The following SLC35F1 variants were observed in gnomAD, a reference collection of about 807,000 sequenced individuals.
SLC35F1 encodes the protein solute carrier family 35 member F1, also known as chromosome 6 open reading frame 169.
A neutral mutation model predicts 48.7 loss-of-function variants in SLC35F1; 14 were observed. The ratio of observed to expected loss-of-function variants is 0.29; its 90% CI spans 0.19 to 0.45. The LOEUF is 0.45. SLC35F1 is among the 20% of genes least tolerant of loss of function. The pLI is 1.00. For missense variants in SLC35F1, 404 were observed against 500.0 expected, an observed-to-expected ratio of 0.81 and a Z score of 1.83; for synonymous variants, 190 against 202.2, an observed-to-expected ratio of 0.94 and a Z score of 0.51.
At chr6:117,950,030 G>T (rs1338604769) in intron 1 of SLC35F1, among the ~76,000 whole-genome samples, 1 of 152,112 alleles carries the variant, frequency 6.6e-6, no homozygotes, top group African/African-American at 2.4e-5. Flanking sequence ...CTGTGTTGCA[G>T]TCTCCGTTCA....
intron 1 of SLC35F1, among the ~76,000 whole-genome samples, chr6:118,027,440 C>T (rs1771975213): frequency 6.6e-6 from 1 of 152,162 alleles, no homozygotes; most frequent in South Asian, 2.1e-4. Flanking sequence ...ACCACATTCT[C>T]ACCAATACTA....
intron 3 of SLC35F1, among the ~76,000 whole-genome samples, chr6:118,248,713 TA>T (rs1190574427): frequency 6.6e-6 from 1 of 152,210 alleles, no homozygotes; most frequent in African/African-American, 2.4e-5. Context: ...AACTATAAGA[TA>T]AACGTGTGCT....
intron 1 of SLC35F1, among the ~76,000 whole-genome samples, chr6:117,930,526 C>A (rs554436587): frequency 6.6e-6 from 1 of 151,922 alleles, no homozygotes; most frequent in East Asian, 1.9e-4. Flanking sequence ...AAGTACAGGA[C>A]CTAGATAGGC....
intron 7 of SLC35F1, among the ~76,000 whole-genome samples, chr6:118,290,816 A>C: frequency 7.3e-6 from 1 of 137,868 alleles, no homozygotes. Flanking sequence ...TTTTTTCGAG[A>C]CAGAGTCTCA....
At chr6:118,193,884 A>T (rs150145) in intron 2 of SLC35F1, among the ~76,000 whole-genome samples, 4,864 of 152,284 alleles carry the variant, frequency 0.032, 133 homozygotes, top group African/African-American at 0.068. Context: ...AGCAAACCTA[A>T]TATCTGACCT....
chr6:118,007,564 G>C (rs1195205138), intron 1 of SLC35F1, among the ~76,000 whole-genome samples: 1 of 152,134 alleles, frequency 6.6e-6, no homozygotes, highest in Non-Finnish European at 1.5e-5. Context: ...TCCTTTCAAA[G>C]AAAGTAAACT....
chr6:118,214,629 C>A (rs1419056350), intron 2 of SLC35F1, among the ~76,000 whole-genome samples: 1 of 152,232 alleles, frequency 6.6e-6, no homozygotes, highest in East Asian at 1.9e-4. Context: ...ATAAGTCAAG[C>A]ACACGTAGAA....
chr6:118,023,054 G>A (rs573014005), intron 1 of SLC35F1, among the ~76,000 whole-genome samples: 5 of 152,158 alleles, frequency 3.3e-5, no homozygotes, highest in African/African-American at 1.2e-4. Flanking sequence ...CACCATGCCC[G>A]GCCGGGCAAT....
At chr6:118,045,302 C>T (rs1772284688) in intron 1 of SLC35F1, among the ~76,000 whole-genome samples, 1 of 152,046 alleles carries the variant, frequency 6.6e-6, no homozygotes, top group Admixed American at 6.6e-5. Flanking sequence ...CAAAGTGTTC[C>T]TAGGCTGTTA....
At chr6:118,060,445 AT>A (rs928405703) in intron 1 of SLC35F1, among the ~76,000 whole-genome samples, 12 of 151,852 alleles carry the variant, frequency 7.9e-5, no homozygotes, top group Non-Finnish European at 1.8e-4. Context: ...ATAATATTAT[AT>A]TTTTTCAAAT....
intron 6 of SLC35F1, among the ~76,000 whole-genome samples, chr6:118,278,527 T>C (rs1775944854): frequency 6.6e-6 from 1 of 152,206 alleles, no homozygotes; most frequent in East Asian, 1.9e-4. Flanking sequence ...TGAAGGCACA[T>C]TGTGAGCCAC....
chr6:118,098,191 C>T (rs919783688), intron 1 of SLC35F1, among the ~76,000 whole-genome samples: 4 of 152,146 alleles, frequency 2.6e-5, no homozygotes, highest in African/African-American at 4.8e-5. Context: ...GTATACATGC[C>T]TACTTTTGAT....
At chr6:118,210,068 T>C (rs958323962) in intron 2 of SLC35F1, among the ~76,000 whole-genome samples, 17 of 152,236 alleles carry the variant, frequency 1.1e-4, no homozygotes, top group African/African-American at 3.6e-4. Flanking sequence ...AGACACTTAG[T>C]TGGAGCAAGC....
At chr6:118,042,697 A>G (rs7741115) in intron 1 of SLC35F1, among the ~76,000 whole-genome samples, 27,919 of 152,128 alleles carry the variant, frequency 0.18, 2,890 homozygotes, top group Middle Eastern at 0.27. Context: ...GTCTGTTGCA[A>G]TAGTCCAGAT....
chr6:118,186,892 C>T (rs1157461931), intron 2 of SLC35F1, among the ~76,000 whole-genome samples: 1 of 152,200 alleles, frequency 6.6e-6, no homozygotes, highest in Non-Finnish European at 1.5e-5. Context: ...AAGCCAGCTT[C>T]CCAGGGTTTT....
intron 7 of SLC35F1, among the ~76,000 whole-genome samples, chr6:118,288,749 G>A (rs1272722251): frequency 6.6e-6 from 1 of 152,142 alleles, no homozygotes; most frequent in African/African-American, 2.4e-5. Context: ...AGATTTTCAG[G>A]TTAACTTTGG....
In SLC35F1 at chr6:118,133,614, C is replaced by T. The variant is rs147274867; in HGVS notation, c.174-20831C>T. 6.6e-3 allele frequency among the ~76,000 whole-genome samples: 1,007 copies of T among 152,288 alleles called. 8 individuals are homozygous for T. Among genetic ancestry groups the T allele is most frequent in the Middle Eastern group, 0.014 (4 of 294 alleles). ...GATTTTCATTTTGGAGTTAAATTTACAGGAAACAGCTTTTAGCTCTCAAGT... is the reference window on the plus strand; with the variant it reads ...GATTTTCATTTTGGAGTTAAATTTATAGGAAACAGCTTTTAGCTCTCAAGT... On this transcript the variant is annotated intron_variant, in intron 1 of 7. Coordinates refer to ENST00000360388, the MANE Select transcript of SLC35F1 (RefSeq NM_001029858.4).
At chr6:118,204,293 G>A (rs1359980286) in intron 2 of SLC35F1, among the ~76,000 whole-genome samples, 2 of 152,152 alleles carry the variant, frequency 1.3e-5, no homozygotes, top group Admixed American at 1.3e-4. Context: ...AAGTGAAAGA[G>A]TGATACACGA....
chr6:118,052,300 A>T (rs1231669295), intron 1 of SLC35F1, among the ~76,000 whole-genome samples: 1 of 152,168 alleles, frequency 6.6e-6, no homozygotes, highest in Non-Finnish European at 1.5e-5. Context: ...CAAACCACTA[A>T]AAGAATTTAA....
Sources: gnomAD v4.1 joint callset for allele counts (sites outside exome capture counted in the v4.1 genomes callset) on GRCh38, gnomAD v4.1.1 for gene constraint, MANE v1.5 for transcripts, NCBI Gene and HGNC (gene_info 2026-07-23, HGNC 2026-07-21) for gene names.